The following ADGRL3 variants were observed in gnomAD, a reference collection of about 807,000 sequenced individuals.
ADGRL3 encodes the protein calcium-independent alpha-latrotoxin receptor 3.
ADGRL3 carries 62 observed loss-of-function variants against 153.5 expected under a neutral mutation model. The observed-to-expected ratio is 0.40, with a 90% CI of 0.33 to 0.50. The LOEUF is 0.50. Among genes scored for constraint, ADGRL3 ranks in the 20% least tolerant of loss-of-function variants. ADGRL3 has a pLI of 0.47. For missense variants in ADGRL3, 1,641 were observed against 1,859.4 expected, an observed-to-expected ratio of 0.88 and a Z score of 2.16; for synonymous variants, 710 against 672.5, an observed-to-expected ratio of 1.06 and a Z score of -0.86.
intron 1 of ADGRL3, among the ~76,000 whole-genome samples, chr4:61,376,885 G>A (rs2096609862): frequency 6.6e-6 from 1 of 152,070 alleles, no homozygotes; most frequent in Non-Finnish European, 1.5e-5. Context: ...AATTGATTGT[G>A]GCTATGGAAG....
intron 5 of ADGRL3, among the ~76,000 whole-genome samples, chr4:61,660,878 A>T (rs2094574237): frequency 6.6e-6 from 1 of 152,096 alleles, no homozygotes; most frequent in African/African-American, 2.4e-5. Context: ...ATCTAAATTA[A>T]AAACGTTAAT....
At chr4:61,406,453 GTTACTATTTTATCAGTATGTCTTTC>G (rs1560583345) in intron 2 of ADGRL3, among the ~76,000 whole-genome samples, 130 of 150,140 alleles carry the variant, frequency 8.7e-4, no homozygotes, top group African/African-American at 3.0e-3. Flanking sequence ...AAGTAGATAA[GTTACTATTTTATCAGTATGTCTTTC>G]TCCATTGAAC....
chr4:61,600,819 A>G (rs1346479535), intron 5 of ADGRL3, among the ~76,000 whole-genome samples: 1 of 152,186 alleles, frequency 6.6e-6, no homozygotes, highest in South Asian at 2.1e-4. Flanking sequence ...TTAGCAATAC[A>G]TTAGCTTCAC....
chr4:61,830,353 G>T (rs774236246), intron 9 of ADGRL3, among the ~76,000 whole-genome samples: 1 of 152,124 alleles, frequency 6.6e-6, no homozygotes, highest in African/African-American at 2.4e-5. Context: ...AACAGAGTGA[G>T]ATGAGACCTT....
chr4:61,467,509 GA>G (rs1342754728), intron 2 of ADGRL3, among the ~76,000 whole-genome samples: 4 of 147,926 alleles, frequency 2.7e-5, no homozygotes, highest in African/African-American at 1.0e-4. Context: ...AGAGAGAGAT[GA>G]AGGGAGGGAG....
intron 5 of ADGRL3, among the ~76,000 whole-genome samples, chr4:61,614,801 G>A (rs2091811425): frequency 6.6e-6 from 1 of 152,052 alleles, no homozygotes; most frequent in Non-Finnish European, 1.5e-5. Flanking sequence ...CTTCAGACAT[G>A]ACTACCAGTC....
chr4:61,683,976 G>A (rs956560096), intron 6 of ADGRL3, among the ~76,000 whole-genome samples: 1 of 152,154 alleles, frequency 6.6e-6, no homozygotes, highest in Non-Finnish European at 1.5e-5. Context: ...GAGAAGAAGG[G>A]CAATCATTTT....
Position 61,651,341 on chromosome 4 carries a change from A to T in ADGRL3, c.474-25485A>T, listed in dbSNP as rs967868937. Among the ~76,000 whole-genome samples, 4 of 152,324 alleles carry T rather than the reference A, an allele frequency of 2.6e-5. No homozygotes were observed. The South Asian group carries it at 8.3e-4, about 32-fold the overall frequency. ...GTTTATTCTGATTCCTAAATCATAA[A>T]ATATCACTAAATATATGTATATTAT... On this transcript the variant is annotated intron_variant, in intron 5 of 26. Transcript: ENST00000683033.
intron 5 of ADGRL3, among the ~76,000 whole-genome samples, chr4:61,600,322 A>AAAAAAAG (rs1470608641): frequency 6.6e-6 from 1 of 151,388 alleles, no homozygotes. Context: ...AAAAAAAAAA[A>AAAAAAAG]AAAGAGGAAA....
intron 1 of ADGRL3, among the ~76,000 whole-genome samples, chr4:61,368,657 T>A (rs1026080558): frequency 2.6e-5 from 4 of 152,050 alleles, no homozygotes; most frequent in Admixed American, 1.3e-4. Context: ...TGAAGTCAGG[T>A]AGTGTGATGC....
At chr4:61,289,721 C>A (rs2094097697) in intron 1 of ADGRL3, among the ~76,000 whole-genome samples, 2 of 151,872 alleles carry the variant, frequency 1.3e-5, no homozygotes. Context: ...TCAGGTTGGG[C>A]AAATTTAAAT....
intron 1 of ADGRL3, among the ~76,000 whole-genome samples, chr4:61,336,875 T>TTA (rs71211375): frequency 6.7e-6 from 1 of 150,168 alleles, no homozygotes; most frequent in Non-Finnish European, 1.5e-5. Context: ...TTTTTTTTTT[T>TTA]ACTAGCTTTG....
chr4:61,847,812 T>A (rs1457871162), intron 9 of ADGRL3, among the ~76,000 whole-genome samples: 2 of 7,024 alleles, frequency 2.8e-4, no homozygotes, highest in African/African-American at 8.0e-4. Flanking sequence ...TAAAATATAT[T>A]ATATATATAT....
At chr4:61,536,182 G>C (rs2098654742) in intron 4 of ADGRL3, among the ~76,000 whole-genome samples, 1 of 152,022 alleles carries the variant, frequency 6.6e-6, no homozygotes, top group African/African-American at 2.4e-5. Flanking sequence ...CCATGTACTT[G>C]TGTGGTTTTG....
chr4:61,831,915 G>A (rs1426308187), intron 9 of ADGRL3, among the ~76,000 whole-genome samples: 1 of 151,262 alleles, frequency 6.6e-6, no homozygotes, highest in Non-Finnish European at 1.5e-5. Context: ...CCGCTGGCTG[G>A]CAAAAAAAAA....
intron 1 of ADGRL3, among the ~76,000 whole-genome samples, chr4:61,236,658 C>T (rs1303443794): frequency 6.6e-6 from 1 of 152,028 alleles, no homozygotes; most frequent in African/African-American, 2.4e-5. Context: ...TTTTTAGCCT[C>T]CATAAGTAGA....
chr4:62,011,373 G>A (rs190495756), intron 21 of ADGRL3, among the ~76,000 whole-genome samples: 94 of 152,176 alleles, frequency 6.2e-4, no homozygotes, highest in East Asian at 5.4e-3. Flanking sequence ...AAAAGCTTAC[G>A]ATTCAATGTT....
intron 1 of ADGRL3, among the ~76,000 whole-genome samples, chr4:61,341,340 T>C (rs1436051301): frequency 6.6e-6 from 1 of 151,968 alleles, no homozygotes; most frequent in African/African-American, 2.4e-5. Context: ...TATATTATTA[T>C]ACAAGTAATT....
At chr4:61,948,006 A>C (rs1286093580) in intron 16 of ADGRL3, 94 bp from the exon 17 acceptor site, 5 of 1,014,874 alleles carry the variant, frequency 4.9e-6, no homozygotes, top group African/African-American at 3.3e-5. Flanking sequence ...ATTGGAACAG[A>C]ATATGAAGTT....
Sources: gnomAD v4.1 joint callset for allele counts (sites outside exome capture counted in the v4.1 genomes callset) on GRCh38, gnomAD v4.1.1 for gene constraint, MANE v1.5 for transcripts, NCBI Gene and HGNC (gene_info 2026-07-23, HGNC 2026-07-21) for gene names.